Variants in ERICH6B observed in about 807,000 individuals in gnomAD.
The protein encoded by ERICH6B is glutamate-rich protein 6B.
In ERICH6B, 69 loss-of-function variants were observed where a neutral mutation model predicts 80.0. The ratio of observed to expected loss-of-function variants is 0.86; its 90% CI spans 0.71 to 1.05. ERICH6B has a LOEUF of 1.05. Among genes scored for constraint, ERICH6B ranks in the 50% least tolerant of loss-of-function variants. The pLI, the probability that ERICH6B is intolerant of heterozygous loss-of-function variation, is 0.00. For missense variants in ERICH6B, 754 were observed against 796.1 expected, an observed-to-expected ratio of 0.95 and a Z score of 0.64; for synonymous variants, 283 against 291.9, an observed-to-expected ratio of 0.97 and a Z score of 0.31.
At chr13:45,546,656 C>T (rs918394008) in intron 13 of ERICH6B, among the ~76,000 whole-genome samples, 6 of 152,156 alleles carry the variant, frequency 3.9e-5, no homozygotes, top group African/African-American at 1.4e-4. Flanking sequence ...CCCTAGACTG[C>T]ACTTCTGTCT....
chr13:45,599,578 T>C (rs1038940213), intron 2 of ERICH6B, among the ~76,000 whole-genome samples: 5 of 152,164 alleles, frequency 3.3e-5, no homozygotes, highest in Non-Finnish European at 7.3e-5. Context: ...GGTTACTTTT[T>C]TTGGTAAGGG....
At position 45,549,873 on chromosome 13, in the gene ERICH6B, G is replaced by A. The variant is rs1874143893; in HGVS notation, c.1646+20C>T. 1.9e-6 allele frequency: 3 copies of A among 1,546,494 alleles called. No homozygotes were observed. Among genetic ancestry groups the A allele is most frequent in the South Asian group, 1.2e-5 (1 of 83,880 alleles). ...CTTCTCCATGGGCAGGAGTGTTAGG[G>A]ACTCATGACCCAAGCTTACCAGATA... On this transcript the variant is annotated intron_variant, in intron 13 of 14. Coordinates refer to ENST00000298738, the MANE Select transcript of ERICH6B (RefSeq NM_182542.3).
chr13:45,558,544 A>G (rs1874531125), intron 11 of ERICH6B, among the ~76,000 whole-genome samples: 1 of 152,198 alleles, frequency 6.6e-6, no homozygotes, highest in Non-Finnish European at 1.5e-5. Flanking sequence ...ACCTTTCCCC[A>G]TTCAGTATTA....
chr13:45,597,319 C>T (rs1876440806), intron 2 of ERICH6B, among the ~76,000 whole-genome samples: 1 of 152,112 alleles, frequency 6.6e-6, no homozygotes, highest in Non-Finnish European at 1.5e-5. Context: ...ATGGGGAGGG[C>T]TGGAAAGCAA....
intron 13 of ERICH6B, 145 bp from the exon 14 acceptor site, chr13:45,545,130 A>G: frequency 1.5e-6 from 1 of 676,888 alleles, no homozygotes; most frequent in Non-Finnish European, 2.5e-6. Flanking sequence ...CAACATGGAC[A>G]ACCAACCCAA....
At chr13:45,559,352 C>T (rs551724953) in intron 11 of ERICH6B, among the ~76,000 whole-genome samples, 126 of 152,042 alleles carry the variant, frequency 8.3e-4, no homozygotes, top group African/African-American at 2.9e-3. Context: ...TTCAAAGAAC[C>T]AACTTTTTGT....
At chr13:45,611,166 A>C (rs1313675661) in intron 1 of ERICH6B, among the ~76,000 whole-genome samples, 1 of 152,172 alleles carries the variant, frequency 6.6e-6, no homozygotes, top group Non-Finnish European at 1.5e-5. Flanking sequence ...AAGCAACTTT[A>C]CTATAGCTAT....
intron 8 of ERICH6B, 116 bp from the exon 9 acceptor site, chr13:45,568,567 A>T: frequency 9.3e-7 from 1 of 1,076,428 alleles, no homozygotes; most frequent in Non-Finnish European, 1.3e-6. Flanking sequence ...TATTCTAAAA[A>T]TACAAAAATG....
In ERICH6B at chr13:45,544,767, C is replaced by G. The variant is rs1331927734; in HGVS notation, c.1865G>C (p.Arg622Thr). Residue 622 changes from arginine (R) to threonine (T), a missense_variant, in exon 14 of 15, where the codon AGG (arginine) becomes ACG (threonine). Coordinates refer to ENST00000298738, the MANE Select transcript of ERICH6B (RefSeq NM_182542.3). ...QKQICLNLGTRYKFVIPEVLS... is the reference protein window; with the variant it reads ...QKQICLNLGTTYKFVIPEVLS... ...GGGGAGTTGTGACCTTACCTTGTACCTGGTGCCCAGGTTTAAACAAATCTG... is the reference window on the plus strand; with the variant it reads ...GGGGAGTTGTGACCTTACCTTGTACGTGGTGCCCAGGTTTAAACAAATCTG... 1.3e-6 allele frequency: 2 copies of G among 1,551,536 alleles called. No individual in the cohort carries two copies. Among genetic ancestry groups the G allele is most frequent in the African/African-American group, 2.7e-5 (2 of 73,046 alleles).
intron 2 of ERICH6B, among the ~76,000 whole-genome samples, chr13:45,606,520 TATATATATATATATATATA>T (rs1949862685): frequency 2.0e-4 from 4 of 20,212 alleles, no homozygotes; most frequent in East Asian, 1.5e-3. Flanking sequence ...TATATATATA[TATATATATATATATATATA>T]TATATATATT....
chr13:45,584,329 C>T (rs79893265), intron 5 of ERICH6B, among the ~76,000 whole-genome samples: 4,599 of 152,298 alleles, frequency 0.03, 216 homozygotes, highest in African/African-American at 0.1. Context: ...AGCCTTTCCA[C>T]GTCAGACCTG....
intron 2 of ERICH6B, among the ~76,000 whole-genome samples, chr13:45,603,664 C>T (rs1334832714): frequency 6.6e-6 from 1 of 152,132 alleles, no homozygotes; most frequent in African/African-American, 2.4e-5. Flanking sequence ...CCTCTGTCAC[C>T]CCCTTTCCCA....
intron 11 of ERICH6B, among the ~76,000 whole-genome samples, chr13:45,556,092 C>T (rs960987993): frequency 2.6e-5 from 4 of 151,586 alleles, no homozygotes; most frequent in African/African-American, 9.7e-5. Context: ...AGAGCATCTT[C>T]TCTCTCAGCC....
intron 11 of ERICH6B, chr13:45,555,477 T>C (rs1057065763): frequency 1.3e-5 from 2 of 152,234 alleles, no homozygotes; most frequent in African/African-American, 4.8e-5. Context: ...TTTGCCACAA[T>C]TGAGGCCACA....
At chr13:45,560,634 C>T (rs1287119815) in intron 11 of ERICH6B, among the ~76,000 whole-genome samples, 3 of 152,204 alleles carry the variant, frequency 2.0e-5, no homozygotes, top group Non-Finnish European at 2.9e-5. Context: ...CTTGCCCCCA[C>T]GCCCTAGCAA....
At position 45,541,541 on chromosome 13, in the gene ERICH6B, T is replaced by C; in HGVS notation, c.2012A>G (p.Glu671Gly). ...LLNYATTPDLENFIEAVSISL... is the reference protein window; with the variant it reads ...LLNYATTPDLGNFIEAVSISL... ...TATACTGACGGCCTCTATGAAGTTT[T>C]CCAGATCAGGGGTGGTCGCGTAATT... is the stretch of plus-strand genomic sequence containing the variant. Residue 671 changes from glutamate (E) to glycine (G), a missense_variant, in exon 15 of 15, where the codon GAA becomes GGA. Glu to Gly is a moderately conservative substitution (Grantham distance 98, BLOSUM62 -2). Coordinates refer to ENST00000298738, the MANE Select transcript of ERICH6B (RefSeq NM_182542.3). 1 of 1,552,170 alleles carries C rather than the reference T, an allele frequency of 6.4e-7. No homozygotes were observed. The highest frequency in any genetic ancestry group is 1.2e-5 in the South Asian group (1 of 84,048).
chr13:45,613,862 G>A (rs958838060), intron 1 of ERICH6B, among the ~76,000 whole-genome samples: 7 of 152,166 alleles, frequency 4.6e-5, no homozygotes, highest in South Asian at 2.1e-4. Flanking sequence ...TGAAGAGGCC[G>A]GTAAACCACT....
rs1593784547 is a variant in ERICH6B at position 45,568,296 on chromosome 13, G to C, written c.1187+19C>G. 3 of 1,529,264 alleles carry C rather than the reference G, an allele frequency of 2.0e-6. No homozygotes were observed. The East Asian group carries it at 7.4e-5, about 38-fold the overall frequency. The allele number at this position is 1,529,264 out of a possible 1,614,324, so 94.7% of individuals were successfully genotyped here. A position where few individuals can be genotyped will look rare whatever the true frequency, so the allele number is the denominator to read the frequency against. On this transcript the variant is annotated intron_variant, in intron 9 of 14. Transcript: ENST00000298738. ...ACCCAAATCCACTGACCAATCACTT[G>C]GCCTCACCAGTTACTTACATAATTA...
chr13:45,597,890 G>C (rs1044640568), intron 2 of ERICH6B, among the ~76,000 whole-genome samples: 18 of 152,152 alleles, frequency 1.2e-4, no homozygotes, highest in African/African-American at 4.1e-4. Flanking sequence ...GTGGCCCACT[G>C]TGATTCCCCA....
Sources: allele counts gnomAD v4.1 joint callset (sites outside exome capture counted in the v4.1 genomes callset), GRCh38; gene constraint gnomAD v4.1.1; transcripts MANE v1.5; gene names NCBI Gene and HGNC (gene_info 2026-07-23, HGNC 2026-07-21).